SGCE: variants seen among roughly 807,000 people sequenced by gnomAD.
The protein encoded by SGCE is sarcoglycan epsilon.
In SGCE, 26 loss-of-function variants were observed where a neutral mutation model predicts 57.8. The ratio of observed to expected loss-of-function variants is 0.45; its 90% CI spans 0.33 to 0.62. The LOEUF is 0.62. Ranked by LOEUF, SGCE falls within the 20% of genes least tolerant of loss-of-function variation. The pLI is 0.02. For synonymous variants in SGCE, 183 were observed against 189.5 expected (o/e 0.97, Z 0.28); for missense variants, 468 against 548.6 (o/e 0.85, Z 1.47).
At chr7:94,619,031 C>T (rs749100367) in intron 4 of SGCE, 75 bp from the exon 5 acceptor site, 21 of 1,081,170 alleles carry the variant, frequency 1.9e-5, no homozygotes, top group African/African-American at 3.1e-5. Flanking sequence ...GAACAATTTG[C>T]GATTTGTTGA....
intron 9 of SGCE, among the ~76,000 whole-genome samples, chr7:94,591,979 G>T (rs553481144): frequency 1.3e-5 from 2 of 152,122 alleles, no homozygotes; most frequent in African/African-American, 4.8e-5. Context: ...ACTTAGATGA[G>T]TTATATTAAA....
chr7:94,598,870 C>T lies in SGCE; in HGVS notation c.1158G>A (p.Thr386=), dbSNP rs368276611. 9.9e-6 allele frequency: 16 copies of T among 1,612,582 alleles called. No homozygotes were observed. In the African/African-American group the frequency reaches 1.3e-4, roughly 13 times the overall value. Residue 386 remains threonine (T), a synonymous_variant, in exon 9 of 11, where the codon ACG becomes ACA. Transcript: ENST00000648936. The part of the protein sequence containing the change: ...KNREIAWPLS[T]LPVFHPVTGE... Reference sequence around the variant, plus strand: ...CAGTCACAGGGTGGAACACAGGAAGCGTTGACAGGGGCCATGCTATCTCTC... The same window carrying T: ...CAGTCACAGGGTGGAACACAGGAAGTGTTGACAGGGGCCATGCTATCTCTC...
chr7:94,590,156 A>G (rs897097395), intron 9 of SGCE: 1 of 152,146 alleles, frequency 6.6e-6, no homozygotes, highest in Non-Finnish European at 1.5e-5. Context: ...CCTGTACACA[A>G]TCAGCTCCCA....
Position 94,629,789 on chromosome 7 carries a change from T to G in SGCE, c.162A>C (p.Ala54=). The G allele has an allele frequency of 6.2e-7, 1 of 1,611,108 alleles. No homozygotes were observed. The highest frequency in any genetic ancestry group is 8.5e-7 in the Non-Finnish European group (1 of 1,177,728). ...VHSDRNVYPS[A]GVLFVHVLER... is the part of the protein sequence containing the mutation. Reference sequence around the variant, plus strand: ...CCAAAACATGAACAAAGAGGACACCTGCTGATGGGTATACATTCCGATCGG... The same window carrying G: ...CCAAAACATGAACAAAGAGGACACCGGCTGATGGGTATACATTCCGATCGG... Residue 54 remains alanine, a synonymous_variant, in exon 2 of 11, where the codon GCA becomes GCC. Transcript: ENST00000648936.
intron 1 of SGCE, among the ~76,000 whole-genome samples, chr7:94,634,482 A>G (rs565591889): frequency 1.3e-5 from 2 of 152,260 alleles, no homozygotes; most frequent in African/African-American, 4.8e-5. Context: ...TTTTGTAGAC[A>G]AGTTGTCAGC....
At chr7:94,650,189 C>T (rs1807683640) in intron 1 of SGCE, among the ~76,000 whole-genome samples, 2 of 152,158 alleles carry the variant, frequency 1.3e-5, no homozygotes, top group African/African-American at 4.8e-5. Context: ...TTTTATTTTG[C>T]TATGTAAAAG....
At chr7:94,617,833 TA>T (rs1802163957) in intron 5 of SGCE, 1 of 152,224 alleles carries the variant, frequency 6.6e-6, no homozygotes, top group Non-Finnish European at 1.5e-5. Flanking sequence ...AGTTCTCCTT[TA>T]AAGCTATCCT....
intron 3 of SGCE, 132 bp downstream of exon 3, chr7:94,628,070 C>T: frequency 1.5e-6 from 1 of 673,846 alleles, no homozygotes; most frequent in South Asian, 1.8e-5. Flanking sequence ...ACTGTGTTTC[C>T]ATGCACAAAA....
Position 94,618,760 on chromosome 7 carries a change from C to G in SGCE, c.660G>C (p.Glu220Asp), listed in dbSNP as rs369157830. 1.2e-6 allele frequency: 2 copies of G among 1,612,860 alleles called. No individual in the cohort carries two copies. The highest frequency in any genetic ancestry group is 2.7e-5 in the African/African-American group (2 of 74,896). Residue 220 changes from glutamate to aspartate, a missense_variant and splice_region_variant, in exon 5 of 11, where the codon GAG (glutamate) becomes GAC (aspartate). Physicochemically the swap from Glu to Asp is conservative, Grantham distance 45. Transcript: ENST00000648936. ...CAATGAGATAAAGATCTGCTTACCC[C>G]TCCTTCAGGTCATTAATGGGAAGTG... ...RVPLPINDLK[E>D]GVYVMVGADV... is the part of the protein sequence containing the mutation.
At chr7:94,623,811 G>T in intron 3 of SGCE, 1 of 370,518 alleles carries the variant, frequency 2.7e-6, no homozygotes, top group Non-Finnish European at 4.8e-6. Flanking sequence ...TTTAAAACAA[G>T]CATATCTTTG....
At chr7:94,634,632 G>A (rs1033480936) in intron 1 of SGCE, among the ~76,000 whole-genome samples, 5 of 152,124 alleles carry the variant, frequency 3.3e-5, no homozygotes, top group Non-Finnish European at 5.9e-5. Context: ...AAACAAATGC[G>A]TGCTGTTTAA....
chr7:94,603,403 C>G lies in SGCE; in HGVS notation c.712G>C (p.Glu238Gln), dbSNP rs200035109. The G allele has an allele frequency of 1.7e-5, 28 of 1,613,230 alleles. No homozygotes were observed. Among genetic ancestry groups the G allele is most frequent in the African/African-American group, 2.7e-5 (2 of 74,874 alleles). ...ADVPFSSCLR[E>Q]VENPQNQLRC... is the part of the protein sequence containing the mutation. ...AATTGATTCTGTGGATTTTCAACTT[C>G]TCGTAAACAAGAAGAAAACGGGACA... is the stretch of plus-strand genomic sequence containing the variant. The change falls in exon 6 of 11, where the codon GAA becomes CAA. Residue 238 changes from glutamate to glutamine, a missense_variant. Glu to Gln is a conservative substitution (Grantham distance 29). Transcript: ENST00000648936.
chr7:94,605,949 C>T lies in SGCE; in HGVS notation c.663-2497G>A, dbSNP rs943663932. 3.3e-5 allele frequency among the ~76,000 whole-genome samples: 5 copies of T among 152,110 alleles called. No homozygotes were observed. The East Asian group carries it at 9.6e-4, about 29-fold the overall frequency. On this transcript the variant is annotated intron_variant, in intron 5 of 10. Transcript: ENST00000648936. ...GTTCAAGCAATTCTCCTGCCTCAGC[C>T]TCCCAAGTAGCTGAGACTACAGGTG...
chr7:94,640,636 G>A (rs1806251529), intron 1 of SGCE, among the ~76,000 whole-genome samples: 1 of 151,846 alleles, frequency 6.6e-6, no homozygotes, highest in Non-Finnish European at 1.5e-5. Flanking sequence ...CTGTGTGTTT[G>A]TTTTGTTTGT....
intron 9 of SGCE, among the ~76,000 whole-genome samples, chr7:94,591,525 T>C (rs1797672907): frequency 6.6e-6 from 1 of 152,142 alleles, no homozygotes; most frequent in Admixed American, 6.5e-5. Flanking sequence ...TGTTCTAACA[T>C]AGGTAGTGGT....
At chr7:94,639,472 C>T (rs536984463) in intron 1 of SGCE, 3 of 1,367,790 alleles carry the variant, frequency 2.2e-6, no homozygotes, top group Non-Finnish European at 3.0e-6. Context: ...AACAAATGTA[C>T]AAAAAAATGA....
intron 1 of SGCE, among the ~76,000 whole-genome samples, chr7:94,641,241 TTACTGGTGAC>T (rs1562888443): frequency 6.6e-6 from 1 of 152,150 alleles, no homozygotes; most frequent in East Asian, 1.9e-4. Flanking sequence ...AAGTGAGAAG[TTACTGGTGAC>T]TCCTTGAAAG....
intron 1 of SGCE, chr7:94,641,014 G>A (rs2117045221): frequency 6.6e-6 from 1 of 152,318 alleles, no homozygotes; most frequent in South Asian, 2.1e-4. Context: ...GACAGCAAAA[G>A]CAAAACAACA....
At chr7:94,616,165 G>A (rs1801908897) in intron 5 of SGCE, among the ~76,000 whole-genome samples, 1 of 152,092 alleles carries the variant, frequency 6.6e-6, no homozygotes, top group Non-Finnish European at 1.5e-5. Context: ...GGGCTCATGG[G>A]GACTGACACT....
Sources: allele counts gnomAD v4.1 joint callset (sites outside exome capture counted in the v4.1 genomes callset), GRCh38; gene constraint gnomAD v4.1.1; transcripts MANE v1.5; gene names NCBI Gene and HGNC (gene_info 2026-07-23, HGNC 2026-07-21).